Variants in CWC27 observed in about 807,000 individuals in gnomAD.
CWC27 encodes the protein CWC27 spliceosome associated cyclophilin.
A neutral mutation model predicts 63.6 loss-of-function variants in CWC27; 47 were observed. The ratio of observed to expected loss-of-function variants is 0.74; its 90% CI spans 0.58 to 0.94. CWC27 has a LOEUF of 0.94. Ranked by LOEUF, CWC27 falls within the 40% of genes least tolerant of loss-of-function variation. The probability of loss-of-function intolerance (pLI) is 0.00; values close to 1 mark genes in which losing one functional copy is unlikely to be tolerated. For missense variants in CWC27, 495 were observed against 554.3 expected (o/e 0.89, Z 1.07); for synonymous variants, 175 against 179.8 (o/e 0.97, Z 0.22).
rs1187980279 is a variant in CWC27 at position 64,801,291 on chromosome 5, T to A, written c.750-11T>A. The A allele has an allele frequency of 2.1e-6, 3 of 1,422,190 alleles. No homozygotes were observed. The highest frequency in any genetic ancestry group is 1.9e-6 in the Non-Finnish European group (2 of 1,052,792). 88.1% of individuals were successfully genotyped at this position (1,422,190 alleles called of 1,614,324 possible). A position where few individuals can be genotyped will look rare whatever the true frequency, so the allele number is the denominator to read the frequency against. ...TGAAACTAAAATTTGTTTTGCTTAT[T>A]TTTTTTATAGTGAAAAAGGTGATGC... On this transcript the variant is annotated splice_polypyrimidine_tract_variant and intron_variant, in intron 8 of 13. Transcript: ENST00000381070.
intron 10 of CWC27, among the ~76,000 whole-genome samples, chr5:64,824,486 G>A (rs1385447441): frequency 6.6e-6 from 1 of 151,926 alleles, no homozygotes; most frequent in Non-Finnish European, 1.5e-5. Flanking sequence ...TGAATGATTA[G>A]TAAGTGGACT....
chr5:64,809,308 T>C (rs980394731), intron 10 of CWC27, among the ~76,000 whole-genome samples: 1 of 152,230 alleles, frequency 6.6e-6, no homozygotes, highest in Non-Finnish European at 1.5e-5. Context: ...ACATTAAAAA[T>C]GTATTCTTTT....
intron 10 of CWC27, among the ~76,000 whole-genome samples, chr5:64,840,886 T>C (rs1444974210): frequency 2.0e-5 from 3 of 152,008 alleles, no homozygotes; most frequent in Non-Finnish European, 2.9e-5. Context: ...CCAAAGAAAT[T>C]TGAGAGCTTT....
At chr5:64,843,821 A>T (rs1046670356) in intron 10 of CWC27, among the ~76,000 whole-genome samples, 2 of 152,096 alleles carry the variant, frequency 1.3e-5, no homozygotes, top group Non-Finnish European at 2.9e-5. Flanking sequence ...TACCTACATG[A>T]TTTTTTAAAA....
At chr5:64,916,404 A>G (rs1747887952) in intron 11 of CWC27, among the ~76,000 whole-genome samples, 2 of 152,194 alleles carry the variant, frequency 1.3e-5, no homozygotes, top group South Asian at 2.1e-4. Flanking sequence ...AAATTATACA[A>G]TGTATCTAGG....
intron 13 of CWC27, among the ~76,000 whole-genome samples, chr5:65,001,333 G>C (rs1425500835): frequency 9.9e-5 from 15 of 152,060 alleles, no homozygotes. Context: ...TGATTGCTCT[G>C]ACTAGGACTT....
intron 10 of CWC27, among the ~76,000 whole-genome samples, chr5:64,805,953 A>G (rs951984898): frequency 1.3e-5 from 2 of 152,186 alleles, no homozygotes; most frequent in African/African-American, 2.4e-5. Context: ...AGATTTAGGA[A>G]TCTGATCTAT....
At chr5:64,838,887 A>G (rs914420859) in intron 10 of CWC27, among the ~76,000 whole-genome samples, 2 of 152,326 alleles carry the variant, frequency 1.3e-5, no homozygotes, top group African/African-American at 4.8e-5. Context: ...ATGTAGCCAT[A>G]TCTGTCATAT....
At chr5:65,001,062 G>GGT (rs138378685) in intron 13 of CWC27, among the ~76,000 whole-genome samples, 195 of 150,734 alleles carry the variant, frequency 1.3e-3, no homozygotes, top group African/African-American at 2.3e-3. Flanking sequence ...TTCCTAGTTT[G>GGT]GTGTGTGTGT....
At chr5:64,794,527 A>G (rs1370368573) in intron 7 of CWC27, among the ~76,000 whole-genome samples, 4 of 152,212 alleles carry the variant, frequency 2.6e-5, no homozygotes, top group Non-Finnish European at 5.9e-5. Context: ...GCAGCATTTT[A>G]TCCAGTTGTG....
At chr5:64,867,617 C>T (rs1746560905) in intron 10 of CWC27, among the ~76,000 whole-genome samples, 1 of 151,986 alleles carries the variant, frequency 6.6e-6, no homozygotes, top group Non-Finnish European at 1.5e-5. Context: ...GGACAAGCCT[C>T]CTGTGAGTTA....
At chr5:64,914,832 CAAG>C (rs1156316954) in intron 11 of CWC27, among the ~76,000 whole-genome samples, 1 of 151,958 alleles carries the variant, frequency 6.6e-6, no homozygotes, top group East Asian at 1.9e-4. Context: ...TAGTGAGAAA[CAAG>C]AAATAGCACA....
intron 12 of CWC27, among the ~76,000 whole-genome samples, chr5:64,973,376 G>C (rs1314540955): frequency 6.6e-6 from 1 of 152,218 alleles, no homozygotes; most frequent in African/African-American, 2.4e-5. Flanking sequence ...ACAGGGCCCA[G>C]TTGGGAGACT....
At chr5:64,893,693 T>C (rs1747297291) in intron 11 of CWC27, among the ~76,000 whole-genome samples, 1 of 152,292 alleles carries the variant, frequency 6.6e-6, no homozygotes, top group African/African-American at 2.4e-5. Context: ...TGAGAAATCA[T>C]TGAGAACCTA....
chr5:64,899,920 G>A (rs969918874), intron 11 of CWC27, among the ~76,000 whole-genome samples: 6 of 152,028 alleles, frequency 3.9e-5, no homozygotes, highest in African/African-American at 1.5e-4. Flanking sequence ...TATTCTCTAT[G>A]TACTTTTTTG....
At chr5:64,886,197 C>CA (rs549723257) in intron 11 of CWC27, among the ~76,000 whole-genome samples, 5 of 149,450 alleles carry the variant, frequency 3.3e-5, no homozygotes, top group African/African-American at 9.8e-5. Context: ...TATTAAGCTT[C>CA]AAAAAAAAAG....
chr5:64,875,380 A>C (rs1177721173), intron 10 of CWC27, among the ~76,000 whole-genome samples: 1 of 152,146 alleles, frequency 6.6e-6, no homozygotes, highest in African/African-American at 2.4e-5. Context: ...ATGGTGTAGC[A>C]GATTATAAAG....
intron 10 of CWC27, among the ~76,000 whole-genome samples, chr5:64,831,964 A>G (rs1305414876): frequency 6.6e-6 from 1 of 151,914 alleles, no homozygotes; most frequent in Non-Finnish European, 1.5e-5. Flanking sequence ...ATAGATATAT[A>G]ATGTGAGAAA....
chr5:64,934,808 G>A (rs753495357), intron 11 of CWC27, among the ~76,000 whole-genome samples: 42 of 152,328 alleles, frequency 2.8e-4, no homozygotes, highest in Admixed American at 5.9e-4. Flanking sequence ...ACTGGCGTGA[G>A]ATAGTGTCTC....
Sources: gnomAD v4.1 joint callset for allele counts (sites outside exome capture counted in the v4.1 genomes callset) on GRCh38, gnomAD v4.1.1 for gene constraint, MANE v1.5 for transcripts, NCBI Gene and HGNC (gene_info 2026-07-23, HGNC 2026-07-21) for gene names.